Variants in TSHZ2 observed in about 807,000 individuals in gnomAD.
TSHZ2 encodes teashirt zinc finger homeobox 2, also known as teashirt homolog 2.
In TSHZ2, 21 loss-of-function variants were observed where a neutral mutation model predicts 74.4. That is an observed-to-expected ratio of 0.28 (90% CI 0.20 to 0.41). TSHZ2 has a LOEUF of 0.41. Ranked by LOEUF, TSHZ2 falls within the 10% of genes least tolerant of loss-of-function variation. The pLI is 1.00. For synonymous variants in TSHZ2, 540 were observed against 515.3 expected (o/e 1.05, Z -0.65); for missense variants, 1,244 against 1,293.5 (o/e 0.96, Z 0.59).
intron 1 of TSHZ2, among the ~76,000 whole-genome samples, chr20:52,974,329 T>A (rs986611818): frequency 1.3e-5 from 2 of 152,198 alleles, no homozygotes; most frequent in African/African-American, 4.8e-5. Context: ...TCATTCTTGA[T>A]ATATATCAAT....
In TSHZ2 at chr20:53,128,729, C is replaced by T. The variant is rs567131964; in HGVS notation, c.41-124770C>T. On this transcript the variant is annotated intron_variant, in intron 1 of 2. Coordinates refer to ENST00000371497, the MANE Select transcript of TSHZ2 (RefSeq NM_173485.6). ...CTCCACCTCCCAAGTTCAAGTGATTCTCCTGCCTCAGCCTCCCGAGTAGCT... is the reference window on the plus strand; with the variant it reads ...CTCCACCTCCCAAGTTCAAGTGATTTTCCTGCCTCAGCCTCCCGAGTAGCT... Among the ~76,000 whole-genome samples, 254 of 152,236 alleles carry T rather than the reference C, an allele frequency of 1.7e-3. 1 individual carries two copies. The highest frequency in any genetic ancestry group is 6.0e-3 in the African/African-American group (248 of 41,518).
At chr20:53,153,178 A>G (rs533897289) in intron 1 of TSHZ2, among the ~76,000 whole-genome samples, 2 of 152,332 alleles carry the variant, frequency 1.3e-5, no homozygotes, top group Admixed American at 1.3e-4. Flanking sequence ...AGAGAAAAGA[A>G]TATCTGCTGT....
chr20:53,009,459 G>T (rs957823701), intron 1 of TSHZ2, among the ~76,000 whole-genome samples: 3 of 152,102 alleles, frequency 2.0e-5, no homozygotes, highest in Non-Finnish European at 4.4e-5. Flanking sequence ...GTGATGAAGC[G>T]GGACAGCTCA....
chr20:53,350,236 A>T (rs1688428612), intron 2 of TSHZ2, among the ~76,000 whole-genome samples: 1 of 152,260 alleles, frequency 6.6e-6, no homozygotes, highest in African/African-American at 2.4e-5. Context: ...ACATTTATTC[A>T]GCCTATCACA....
chr20:53,354,515 G>A (rs953497938), intron 2 of TSHZ2, among the ~76,000 whole-genome samples: 1 of 152,192 alleles, frequency 6.6e-6, no homozygotes, highest in Non-Finnish European at 1.5e-5. Flanking sequence ...TGCAAAGCAG[G>A]TGAAGGGCTC....
At chr20:53,180,933 T>C (rs1307129824) in intron 1 of TSHZ2, among the ~76,000 whole-genome samples, 1 of 152,158 alleles carries the variant, frequency 6.6e-6, no homozygotes. Context: ...CACGATCTCA[T>C]ATCCAGACCG....
chr20:53,409,868 A>G (rs1247512050), intron 2 of TSHZ2, among the ~76,000 whole-genome samples: 1 of 78,832 alleles, frequency 1.3e-5, no homozygotes, highest in Non-Finnish European at 2.2e-5. Context: ...TTTTTTTGAG[A>G]CGGAGTCTTG....
chr20:53,338,417 C>T (rs931943016), intron 2 of TSHZ2, among the ~76,000 whole-genome samples: 5 of 152,210 alleles, frequency 3.3e-5, no homozygotes, highest in Non-Finnish European at 5.9e-5. Context: ...AAAAGTAACA[C>T]AATTAGTATT....
chr20:53,137,017 C>T (rs1318323547), intron 1 of TSHZ2, among the ~76,000 whole-genome samples: 3 of 152,100 alleles, frequency 2.0e-5, no homozygotes, highest in African/African-American at 7.2e-5. Flanking sequence ...ATTCACAAAG[C>T]AGGGAGGGTG....
rs1457616068 is a variant in TSHZ2, at chr20:53,488,472, T to C, written c.*1337T>C. On this transcript the variant is annotated 3_prime_UTR_variant, in exon 3 of 3. Transcript: ENST00000371497. ...CAGTTTGGAGACGCAAGGATAGATCTGTTTACTCTAGTTGAACATTTTCTA... is the reference window on the plus strand; with the variant it reads ...CAGTTTGGAGACGCAAGGATAGATCCGTTTACTCTAGTTGAACATTTTCTA... 1 of 157,340 alleles carries C rather than the reference T, an allele frequency of 6.4e-6. No individual in the cohort carries two copies. Among genetic ancestry groups the C allele is most frequent in the Non-Finnish European group, 1.4e-5 (1 of 71,400 alleles). 9.7% of individuals were successfully genotyped at this position (157,340 alleles called of 1,614,324 possible).
At chr20:53,046,493 G>T (rs936621969) in intron 1 of TSHZ2, among the ~76,000 whole-genome samples, 1 of 152,070 alleles carries the variant, frequency 6.6e-6, no homozygotes, top group Admixed American at 6.6e-5. Flanking sequence ...ATCACCCTAA[G>T]CTAAAATATT....
At chr20:53,123,345 C>G (rs767699638) in intron 1 of TSHZ2, among the ~76,000 whole-genome samples, 3 of 152,106 alleles carry the variant, frequency 2.0e-5, no homozygotes, top group African/African-American at 4.8e-5. Flanking sequence ...AGTTGGTCCT[C>G]TTCAATAAAC....
chr20:53,460,193 C>A (rs1985295488), intron 2 of TSHZ2, among the ~76,000 whole-genome samples: 1 of 151,770 alleles, frequency 6.6e-6, no homozygotes, highest in African/African-American at 2.4e-5. Context: ...TTCAGGTACA[C>A]CAATCAGACG....
intron 1 of TSHZ2, among the ~76,000 whole-genome samples, chr20:53,015,070 A>C (rs992478488): frequency 2.0e-5 from 3 of 152,044 alleles, no homozygotes. Flanking sequence ...TCTGTTTCTG[A>C]AAACAGCTGA....
chr20:53,410,683 T>C (rs1333489519), intron 2 of TSHZ2, among the ~76,000 whole-genome samples: 1 of 150,080 alleles, frequency 6.7e-6, no homozygotes, highest in African/African-American at 2.4e-5. Context: ...AAGCACCTTT[T>C]TTTTTTTTTT....
intron 1 of TSHZ2, among the ~76,000 whole-genome samples, chr20:53,230,271 A>G (rs891360469): frequency 6.6e-6 from 1 of 152,362 alleles, no homozygotes; most frequent in African/African-American, 2.4e-5. Flanking sequence ...AACAGAATAG[A>G]AAGTTCAGAA....
intron 1 of TSHZ2, among the ~76,000 whole-genome samples, chr20:53,041,138 C>T (rs766819968): frequency 1.2e-4 from 18 of 152,122 alleles, no homozygotes; most frequent in African/African-American, 2.9e-4. Flanking sequence ...CTCTAAGTTT[C>T]GAGTGATTGG....
At chr20:53,305,323 G>A (rs1439361970) in intron 2 of TSHZ2, among the ~76,000 whole-genome samples, 1 of 152,176 alleles carries the variant, frequency 6.6e-6, no homozygotes, top group African/African-American at 2.4e-5. Flanking sequence ...ACAATGGAAT[G>A]GATGGAGCTA....
At chr20:53,217,227 C>T (rs548898850) in intron 1 of TSHZ2, among the ~76,000 whole-genome samples, 4 of 152,308 alleles carry the variant, frequency 2.6e-5, no homozygotes, top group East Asian at 3.9e-4. Flanking sequence ...CACCTGTCTG[C>T]GCTTGGCCGA....
Sources: allele counts gnomAD v4.1 joint callset (sites outside exome capture counted in the v4.1 genomes callset), GRCh38; gene constraint gnomAD v4.1.1; transcripts MANE v1.5; gene names NCBI Gene and HGNC (gene_info 2026-07-23, HGNC 2026-07-21).